Variants in OVCH1 observed in about 807,000 individuals in gnomAD.
OVCH1 encodes the protein ovochymase 1, also known as ovochymase-1.
OVCH1 carries 139 observed loss-of-function variants against 138.4 expected under a neutral mutation model. That is an observed-to-expected ratio of 1.00 (90% CI 0.87 to 1.16). The LOEUF (loss-of-function observed/expected upper bound fraction) is 1.16. Ranked by LOEUF, OVCH1 falls within the 50% of genes most tolerant of loss-of-function variation. The pLI, the probability that OVCH1 is intolerant of heterozygous loss-of-function variation, is 0.00. For missense variants in OVCH1, 1,367 were observed against 1,357.9 expected (o/e 1.01, Z -0.11); for synonymous variants, 453 against 467.8 (o/e 0.97, Z 0.41).
Position 29,439,334 on chromosome 12 carries a change from AT to A in OVCH1, c.3257del (p.Asn1086IlefsTer7). On this transcript the variant is annotated frameshift_variant, in exon 26 of 28. Coordinates refer to ENST00000318184, the Ensembl canonical transcript of OVCH1. LOFTEE classifies it high-confidence loss of function. ...ACCTCTTTGAGTTACTCACCACTGA[AT>A]TTTCCCATATATGCATGATATATGT... 1 of 1,523,352 alleles carries A rather than the reference AT, an allele frequency of 6.6e-7. No individual in the cohort carries two copies. 94.4% of individuals were successfully genotyped at this position (1,523,352 alleles called of 1,614,324 possible).
intron 23 of OVCH1, among the ~76,000 whole-genome samples, chr12:29,444,909 A>G (rs1398141771): frequency 2.0e-5 from 3 of 152,114 alleles, no homozygotes; most frequent in Admixed American, 6.6e-5. Flanking sequence ...GAGATAATAA[A>G]TTGTCCAGAG....
chr12:29,449,779 G>C (rs141610977), intron 22 of OVCH1, among the ~76,000 whole-genome samples: 1,945 of 152,282 alleles, frequency 0.013, 18 homozygotes, highest in Non-Finnish European at 0.02. Flanking sequence ...CAAGGCTACA[G>C]TAACCAAAAC....
intron 16 of OVCH1, among the ~76,000 whole-genome samples, chr12:29,466,212 G>A (rs1016277081): frequency 4.6e-5 from 7 of 151,984 alleles, no homozygotes; most frequent in East Asian, 3.9e-4. Flanking sequence ...AAACCTGCAC[G>A]TTGTGCACAT....
chr12:29,477,556 G>A (rs778733038), exon 10 of OVCH1: 29 of 1,613,662 alleles, frequency 1.8e-5, no homozygotes, highest in African/African-American at 9.3e-5. Context: ...GTTTTCCATC[G>A]TCTTCCATGA....
intron 16 of OVCH1, among the ~76,000 whole-genome samples, chr12:29,465,857 T>A (rs1592076130): frequency 6.6e-6 from 1 of 151,738 alleles, no homozygotes; most frequent in African/African-American, 2.4e-5. Flanking sequence ...CAAACATCCA[T>A]CAATGATAGA....
intron 4 of OVCH1, among the ~76,000 whole-genome samples, chr12:29,493,691 C>A (rs1943334572): frequency 6.6e-6 from 1 of 152,124 alleles, no homozygotes; most frequent in South Asian, 2.1e-4. Context: ...GGCTTATTTT[C>A]AAATTTCCCT....
chr12:29,464,583 T>C (rs766279274), exon 18 of OVCH1: 3 of 1,613,528 alleles, frequency 1.9e-6, no homozygotes, highest in African/African-American at 1.3e-5. Flanking sequence ...GTGGGAGACA[T>C]ACTGGCCTCA....
At chr12:29,431,016 T>C (rs954472539) in intron 27 of OVCH1, 3 of 416,732 alleles carry the variant, frequency 7.2e-6, no homozygotes, top group African/African-American at 4.1e-5. Context: ...TCATGGAATA[T>C]AGAATAAGAA....
At chr12:29,466,678 A>G (rs1168304045) in intron 16 of OVCH1, among the ~76,000 whole-genome samples, 2 of 152,150 alleles carry the variant, frequency 1.3e-5, no homozygotes, top group Admixed American at 1.3e-4. Flanking sequence ...TGTTGGTTAC[A>G]TGGGTGTTCA....
chr12:29,490,321 C>T (rs1038080764), intron 5 of OVCH1, among the ~76,000 whole-genome samples: 6 of 152,154 alleles, frequency 3.9e-5, no homozygotes, highest in Admixed American at 2.0e-4. Context: ...GGGCTCCCAT[C>T]TTCCTGCCTT....
chr12:29,447,712 T>G (rs1249977509), intron 22 of OVCH1, among the ~76,000 whole-genome samples: 1 of 151,298 alleles, frequency 6.6e-6, no homozygotes, highest in Non-Finnish European at 1.5e-5. Flanking sequence ...TTCATTTTAG[T>G]CAGGTAAATG....
chr12:29,411,238 G>T (rs1445156959), downstream of OVCH1, among the ~76,000 whole-genome samples: 2 of 133,700 alleles, frequency 1.5e-5, no homozygotes, highest in African/African-American at 2.5e-5. Context: ...TAACTTCTTT[G>T]CCTTTGGTTT....
At chr12:29,409,414 G>A (rs1367197452), downstream of OVCH1, among the ~76,000 whole-genome samples, 4 of 151,788 alleles carry the variant, frequency 2.6e-5, no homozygotes, top group Admixed American at 6.6e-5. Flanking sequence ...TGTCAATTTT[G>A]GATCTTTCCT....
At chr12:29,423,106 C>A, downstream of OVCH1, 1 of 399,882 alleles carries the variant, frequency 2.5e-6, no homozygotes, top group Non-Finnish European at 4.9e-6. Flanking sequence ...CTTTAATAAA[C>A]ATTTTAATGC....
chr12:29,464,672 C>CAT lies in OVCH1; in HGVS notation c.1958_1959dup (p.Glu654MetfsTer7), dbSNP rs756784486. ...TCATAACTTAGTGTGTTAAAGTCTT[C>CAT]ATGCACTATTATGTGTTTGGCCCTT... On this transcript the variant is annotated frameshift_variant, in exon 18 of 28. Transcript: ENST00000318184. LOFTEE classifies it high-confidence loss of function. The CAT allele has an allele frequency of 2.8e-5, 45 of 1,613,348 alleles. No individual in the cohort carries two copies. The African/African-American group carries it at 4.5e-4, about 16-fold the overall frequency.
intron 3 of OVCH1, 60 bp from the exon 4 acceptor site, chr12:29,495,517 TTG>T: frequency 6.9e-7 from 1 of 1,443,286 alleles, no homozygotes; most frequent in Non-Finnish European, 9.5e-7. Flanking sequence ...TCTTCTTGGT[TTG>T]ATGTAATTAA....
At chr12:29,483,080 C>T (rs1364740382) in intron 8 of OVCH1, among the ~76,000 whole-genome samples, 5 of 152,042 alleles carry the variant, frequency 3.3e-5, no homozygotes, top group African/African-American at 1.2e-4. Flanking sequence ...TAAGATAAAT[C>T]AAGACACTTC....
intron 4 of OVCH1, among the ~76,000 whole-genome samples, chr12:29,491,445 C>T (rs946034360): frequency 7.2e-5 from 11 of 152,142 alleles, no homozygotes; most frequent in African/African-American, 2.4e-4. Context: ...AATGTACTAA[C>T]ATTTTAGACT....
chr12:29,432,052 A>C (rs1941279415), intron 27 of OVCH1, among the ~76,000 whole-genome samples: 2 of 152,194 alleles, frequency 1.3e-5, no homozygotes, highest in Non-Finnish European at 2.9e-5. Flanking sequence ...GGTTTCAGGG[A>C]TATAGCAGAG....
Sources: allele counts gnomAD v4.1 joint callset (sites outside exome capture counted in the v4.1 genomes callset), GRCh38; gene constraint gnomAD v4.1.1; transcripts MANE v1.5; gene names NCBI Gene and HGNC (gene_info 2026-07-23, HGNC 2026-07-21).